Variants in SDK1 observed in about 807,000 individuals in gnomAD.
The protein encoded by SDK1 is protein sidekick-1.
In SDK1, 157 loss-of-function variants were observed where a neutral mutation model predicts 245.5. The observed-to-expected ratio is 0.64, with a 90% CI of 0.56 to 0.73. The LOEUF (loss-of-function observed/expected upper bound fraction) is 0.73. Ranked by LOEUF, SDK1 falls within the 30% of genes least tolerant of loss-of-function variation. The pLI is 0.00. For missense variants in SDK1, 3,583 were observed against 3,002.3 expected (o/e 1.19, Z -4.52); for synonymous variants, 1,647 against 1,278.5 (o/e 1.29, Z -6.15).
rs1027677367 is a variant in SDK1 at position 4,116,355 on chromosome 7, C to T, written c.3823+2081C>T. Among the ~76,000 whole-genome samples, 5 of 152,312 alleles carry T rather than the reference C, an allele frequency of 3.3e-5. No individual in the cohort carries two copies. In the East Asian group the frequency reaches 7.7e-4, roughly 24 times the overall value. On this transcript the variant is annotated intron_variant, in intron 25 of 44. Coordinates refer to ENST00000404826, the MANE Select transcript of SDK1 (RefSeq NM_152744.4). Reference sequence around the variant, plus strand: ...CAGCCAGGCCGGGGTGAGGAGTCTGCACCCTGGGCTTGGGTCCAGCAGCGC... The same window carrying T: ...CAGCCAGGCCGGGGTGAGGAGTCTGTACCCTGGGCTTGGGTCCAGCAGCGC...
chr7:4,018,997 C>T (rs1256721572), intron 17 of SDK1, among the ~76,000 whole-genome samples: 1 of 152,156 alleles, frequency 6.6e-6, no homozygotes, highest in Non-Finnish European at 1.5e-5. Context: ...CAAAACAGCT[C>T]TCATGGATTC....
chr7:4,006,593 CCAAAA>C (rs543603459), intron 14 of SDK1, among the ~76,000 whole-genome samples: 6 of 152,120 alleles, frequency 3.9e-5, no homozygotes, highest in Non-Finnish European at 8.8e-5. Flanking sequence ...CAAATCCTTC[CCAAAA>C]CAATTTTTTT....
chr7:3,722,460 G>A (rs1010262545), intron 4 of SDK1, among the ~76,000 whole-genome samples: 3 of 152,098 alleles, frequency 2.0e-5, no homozygotes, highest in East Asian at 1.9e-4. Flanking sequence ...GCAGGGCTGC[G>A]GCACTCACCG....
chr7:3,476,054 A>G (rs993108940), intron 1 of SDK1: 11 of 152,682 alleles, frequency 7.2e-5, no homozygotes, highest in African/African-American at 2.7e-4. Context: ...TTTAAAACCC[A>G]TATTTTAAAA....
intron 14 of SDK1, among the ~76,000 whole-genome samples, chr7:4,005,238 G>C (rs1014301372): frequency 6.6e-6 from 1 of 151,320 alleles, no homozygotes; most frequent in African/African-American, 2.4e-5. Context: ...GTAGAGACAG[G>C]GTTTTACCAT....
At chr7:4,262,620 C>T (rs1264753729) in intron 44 of SDK1, among the ~76,000 whole-genome samples, 2 of 151,220 alleles carry the variant, frequency 1.3e-5, no homozygotes, top group Non-Finnish European at 3.0e-5. Context: ...TCTCCGTCCC[C>T]TCCCCACCCT....
chr7:3,700,396 G>C (rs1373997865), intron 4 of SDK1, among the ~76,000 whole-genome samples: 1 of 152,176 alleles, frequency 6.6e-6, no homozygotes, highest in East Asian at 1.9e-4. Flanking sequence ...CAGTGATATA[G>C]AGGAGATGTT....
chr7:3,810,222 C>T (rs1779352320), intron 4 of SDK1, among the ~76,000 whole-genome samples: 1 of 152,140 alleles, frequency 6.6e-6, no homozygotes, highest in South Asian at 2.1e-4. Context: ...GCCTTTCTGT[C>T]CTCACTTTTC....
chr7:4,076,426 C>G (rs1042949397), intron 20 of SDK1, among the ~76,000 whole-genome samples: 2 of 152,098 alleles, frequency 1.3e-5, no homozygotes, highest in Non-Finnish European at 2.9e-5. Context: ...CATGGTGGTT[C>G]ACGCCTGTGG....
intron 1 of SDK1, among the ~76,000 whole-genome samples, chr7:3,402,569 T>G (rs1583805569): frequency 1.3e-5 from 2 of 152,236 alleles, no homozygotes; most frequent in African/African-American, 4.8e-5. Flanking sequence ...CAATTAAATT[T>G]CCCAAGTGAA....
intron 5 of SDK1, among the ~76,000 whole-genome samples, chr7:3,883,331 G>C (rs1230313565): frequency 2.0e-5 from 3 of 152,192 alleles, no homozygotes; most frequent in African/African-American, 7.2e-5. Context: ...AATTTATAAA[G>C]ACAAGATTGA....
intron 44 of SDK1, among the ~76,000 whole-genome samples, chr7:4,248,547 C>G (rs1485930186): frequency 6.6e-6 from 1 of 151,776 alleles, no homozygotes. Context: ...CACATGCAAA[C>G]ACATACATAT....
At chr7:3,641,276 A>C (rs1344895608) in intron 3 of SDK1, among the ~76,000 whole-genome samples, 2 of 152,180 alleles carry the variant, frequency 1.3e-5, no homozygotes, top group Non-Finnish European at 2.9e-5. Context: ...ATCTTATTCA[A>C]AATTTTCAAA....
chr7:4,101,359 G>C (rs1014125696), intron 22 of SDK1, among the ~76,000 whole-genome samples: 1 of 152,172 alleles, frequency 6.6e-6, no homozygotes, highest in African/African-American at 2.4e-5. Context: ...GTGTTAGCCA[G>C]GATGGTCTCG....
rs1786121708 is a variant in SDK1 at position 4,013,136 on chromosome 7, G to A, written c.2420+901G>A. Among the ~76,000 whole-genome samples, 3 of 152,300 alleles carry A rather than the reference G, an allele frequency of 2.0e-5. No individual in the cohort carries two copies. The South Asian group carries it at 6.2e-4, about 32-fold the overall frequency. ...ACACACACTTCTGCAGGCCAGATGT[G>A]GCTGAAGGGTAGCCAGTGTGCTGTC... On this transcript the variant is annotated intron_variant, in intron 16 of 44. Transcript: ENST00000404826.
intron 32 of SDK1, among the ~76,000 whole-genome samples, chr7:4,172,865 T>C (rs1328156155): frequency 6.6e-6 from 1 of 152,174 alleles, no homozygotes. Flanking sequence ...AACTTCCCTC[T>C]TCTCATAATT....
chr7:3,740,746 C>T lies in SDK1; in HGVS notation c.714-80704C>T, dbSNP rs567900549. ...TTCTTAACAAGATTCGTCTGTTTTT[C>T]TTGAATAAACAGTACTTAGATTGTT... On this transcript the variant is annotated intron_variant, in intron 4 of 44. Coordinates refer to ENST00000404826, the MANE Select transcript of SDK1 (RefSeq NM_152744.4). Among the ~76,000 whole-genome samples the T allele has an allele frequency of 3.9e-5, 6 of 152,234 alleles. No homozygotes were observed. The South Asian group carries it at 6.2e-4, about 16-fold the overall frequency.
chr7:3,559,444 T>C (rs1446819150), intron 1 of SDK1, among the ~76,000 whole-genome samples: 1 of 152,206 alleles, frequency 6.6e-6, no homozygotes, highest in Non-Finnish European at 1.5e-5. Flanking sequence ...ATGTTTCTTT[T>C]GCCAGAAAAT....
chr7:3,632,767 C>T (rs1251513454), intron 2 of SDK1, among the ~76,000 whole-genome samples: 1 of 152,098 alleles, frequency 6.6e-6, no homozygotes, highest in Non-Finnish European at 1.5e-5. Context: ...TGCCTAGGGC[C>T]TATTAGTGAG....
Sources: gnomAD v4.1 joint callset for allele counts (sites outside exome capture counted in the v4.1 genomes callset) on GRCh38, gnomAD v4.1.1 for gene constraint, MANE v1.5 for transcripts, NCBI Gene and HGNC (gene_info 2026-07-23, HGNC 2026-07-21) for gene names.